The following SMIM40 variants were observed in gnomAD, a reference collection of about 807,000 sequenced individuals.
SMIM40 encodes the protein small integral membrane protein 40.
chr6:33,327,220 A>G (rs1771252603), intron 1 of SMIM40, among the ~76,000 whole-genome samples: 1 of 148,650 alleles, frequency 6.7e-6, no homozygotes, highest in Non-Finnish European at 1.5e-5. Context: ...TAGGAGTTCG[A>G]GACCAGCCTG....
intron 1 of SMIM40, among the ~76,000 whole-genome samples, chr6:33,324,239 T>C (rs1277826530): frequency 6.6e-6 from 1 of 152,090 alleles, no homozygotes; most frequent in Non-Finnish European, 1.5e-5. Flanking sequence ...ATGGGGAACA[T>C]AAAAACTCTC....
At position 33,323,917 on chromosome 6, in the gene SMIM40, T is replaced by C. The variant is rs1770964769; in HGVS notation, c.*100-53A>G. On this transcript the variant is annotated intron_variant, in intron 2 of 2. Coordinates refer to ENST00000494082, the MANE Select transcript of SMIM40 (RefSeq NM_001369203.1). The stretch of plus-strand genomic sequence containing the variant: ...TACTTTGGGTCTCCTCCTCCTCCTC[T>C]TCGGGGAGAGGGGAAAAAAGAATGA... 2.0e-5 allele frequency: 3 copies of C among 152,226 alleles called. No homozygotes were observed. The South Asian group carries it at 6.2e-4, about 32-fold the overall frequency. The allele number at this position is 152,226 out of a possible 1,614,324, so 9.4% of individuals were successfully genotyped here.
At chr6:33,326,971 A>C (rs2151009788) in intron 1 of SMIM40, among the ~76,000 whole-genome samples, 1 of 148,674 alleles carries the variant, frequency 6.7e-6, no homozygotes, top group South Asian at 2.1e-4. Flanking sequence ...AAATTACAAA[A>C]AAATTAGCTG....
intron 1 of SMIM40, among the ~76,000 whole-genome samples, chr6:33,325,092 C>A (rs1403971540): frequency 6.6e-6 from 1 of 151,306 alleles, no homozygotes; most frequent in Non-Finnish European, 1.5e-5. Flanking sequence ...GGAGGCTGGG[C>A]GCGGTGGCTC....
chr6:33,327,540 C>A (rs1771279573), intron 1 of SMIM40, among the ~76,000 whole-genome samples: 1 of 146,418 alleles, frequency 6.8e-6, no homozygotes, highest in South Asian at 2.1e-4. Context: ...CCAGCCTAGG[C>A]AACATAGTGA....
intron 1 of SMIM40, among the ~76,000 whole-genome samples, chr6:33,326,606 CTT>C (rs1771189090): frequency 6.7e-6 from 1 of 148,788 alleles, no homozygotes; most frequent in Non-Finnish European, 1.5e-5. Context: ...GGGCAGATCA[CTT>C]GAGGTCAGGA....
intron 1 of SMIM40, among the ~76,000 whole-genome samples, chr6:33,324,569 T>C (rs1771024282): frequency 6.8e-6 from 1 of 146,266 alleles, no homozygotes; most frequent in African/African-American, 2.6e-5. Flanking sequence ...TTTTTTTCCT[T>C]TCTTTTGTCT....
intron 1 of SMIM40, among the ~76,000 whole-genome samples, chr6:33,327,078 C>T (rs1360811584): frequency 1.4e-5 from 2 of 140,734 alleles, no homozygotes; most frequent in African/African-American, 2.8e-5. Context: ...AAGCCAAGAT[C>T]GCACCACTAC....
At chr6:33,326,823 C>CA (rs1241208674) in intron 1 of SMIM40, among the ~76,000 whole-genome samples, 1 of 143,910 alleles carries the variant, frequency 6.9e-6, no homozygotes, top group African/African-American at 2.7e-5. Context: ...GACTCTGTCT[C>CA]AAAAAATAAA....
intron 1 of SMIM40, among the ~76,000 whole-genome samples, chr6:33,327,116 T>C (rs1771245438): frequency 6.8e-6 from 1 of 146,578 alleles, no homozygotes; most frequent in African/African-American, 2.7e-5. Context: ...ACAGAGAGAC[T>C]GTGTCTCAAA....
rs146144738 is a variant in SMIM40, at chr6:33,327,092, C to G, written c.*39+1895G>C. 6.4e-3 allele frequency among the ~76,000 whole-genome samples: 942 copies of G among 148,018 alleles called. 11 individuals carry two copies. Among genetic ancestry groups the G allele is most frequent in the Admixed American group, 0.016 (244 of 15,024 alleles). On this transcript the variant is annotated intron_variant, in intron 1 of 2. Coordinates refer to ENST00000494082, the MANE Select transcript of SMIM40 (RefSeq NM_001369203.1). ...GAAGCCAAGATCGCACCACTACACT[C>G]CAGCATGGGCAACACAGAGAGACTG...
chr6:33,326,889 A>G (rs1168076846), intron 1 of SMIM40, among the ~76,000 whole-genome samples: 1 of 148,938 alleles, frequency 6.7e-6, no homozygotes, highest in Non-Finnish European at 1.5e-5. Context: ...TGGGAGGCCG[A>G]GGCAGGCAGA....
chr6:33,324,941 C>T (rs1201745500), intron 1 of SMIM40, among the ~76,000 whole-genome samples: 3 of 147,762 alleles, frequency 2.0e-5, no homozygotes, highest in Non-Finnish European at 4.5e-5. Context: ...GTTCTATCAC[C>T]CAGGCTGGAA....
intron 1 of SMIM40, among the ~76,000 whole-genome samples, chr6:33,325,751 C>T (rs999252675): frequency 2.1e-5 from 3 of 145,874 alleles, no homozygotes; most frequent in Admixed American, 6.7e-5. Context: ...CCAGCTACTC[C>T]GGAGGCTGAG....
At position 33,325,306 on chromosome 6, in the gene SMIM40, G is replaced by A. The variant is rs113049645; in HGVS notation, c.*40-1276C>T. Among the ~76,000 whole-genome samples, 585 of 144,118 alleles carry A rather than the reference G, an allele frequency of 4.1e-3. 35 individuals are homozygous for A. Among genetic ancestry groups the A allele is most frequent in the Middle Eastern group, 0.019 (5 of 270 alleles). The allele number at this position is 144,118 out of a possible 152,430, so 94.5% of individuals were successfully genotyped here. A position where few individuals can be genotyped will look rare whatever the true frequency, so the allele number is the denominator to read the frequency against. On this transcript the variant is annotated intron_variant, in intron 1 of 2. Coordinates refer to ENST00000494082, the MANE Select transcript of SMIM40 (RefSeq NM_001369203.1). ...CGCTTGAACCCGGGAGGCGGAGGTC[G>A]CAGTGAGCTGAGATCAGCCACTGCA... is the stretch of plus-strand genomic sequence containing the variant.
chr6:33,325,461 A>T (rs1771110871), intron 1 of SMIM40, among the ~76,000 whole-genome samples: 1 of 148,802 alleles, frequency 6.7e-6, no homozygotes, highest in African/African-American at 2.6e-5. Context: ...TTCCCACCTC[A>T]GCGTCTCAAA....
At chr6:33,327,680 T>G (rs1455569482) in intron 1 of SMIM40, among the ~76,000 whole-genome samples, 2 of 151,652 alleles carry the variant, frequency 1.3e-5, no homozygotes, top group East Asian at 3.9e-4. Flanking sequence ...GCCAACATGA[T>G]GAAACCTTGT....
intron 1 of SMIM40, among the ~76,000 whole-genome samples, chr6:33,324,866 CAG>C (rs1382384970): frequency 2.0e-5 from 2 of 100,598 alleles, no homozygotes; most frequent in Admixed American, 3.2e-4. Context: ...GCCTGGGCGA[CAG>C]AGCGAGATTA....
At chr6:33,328,220 G>A (rs139515683) in intron 1 of SMIM40, among the ~76,000 whole-genome samples, 1,758 of 149,072 alleles carry the variant, frequency 0.012, 38 homozygotes, top group African/African-American at 0.042. Context: ...AAGGAGTCTC[G>A]CTCTGTCACC....
Sources: allele counts gnomAD v4.1 joint callset (sites outside exome capture counted in the v4.1 genomes callset), GRCh38; gene constraint gnomAD v4.1.1; transcripts MANE v1.5; gene names NCBI Gene and HGNC (gene_info 2026-07-23, HGNC 2026-07-21).